Variants in GIT2 observed in about 807,000 individuals in gnomAD.
GIT2 encodes the protein GIT ArfGAP 2.
A neutral mutation model predicts 100.3 loss-of-function variants in GIT2; 32 were observed. The ratio of observed to expected loss-of-function variants is 0.32; its 90% CI spans 0.24 to 0.43. The LOEUF (loss-of-function observed/expected upper bound fraction) is 0.43, where lower values mean the gene tolerates loss of function less well. Among genes scored for constraint, GIT2 ranks in the 20% least tolerant of loss-of-function variants. The pLI, the probability that GIT2 is intolerant of heterozygous loss-of-function variation, is 1.00. For synonymous variants in GIT2, 353 were observed against 364.1 expected (o/e 0.97, Z 0.35); for missense variants, 737 against 975.1 (o/e 0.76, Z 3.25).
At chr12:109,996,104 G>C in intron 1 of GIT2, 69 bp downstream of exon 1, 6 of 1,017,678 alleles carry the variant, frequency 5.9e-6, no homozygotes, top group Non-Finnish European at 8.4e-6. Flanking sequence ...CTGACCTGAG[G>C]GGGCGGCCCC....
At chr12:109,970,714 C>T (rs917264187) in intron 7 of GIT2, among the ~76,000 whole-genome samples, 2 of 152,172 alleles carry the variant, frequency 1.3e-5, no homozygotes, top group Non-Finnish European at 2.9e-5. Context: ...GGGTGCTGTA[C>T]TTCCTTCCAC....
rs556462807 is a variant in GIT2 at position 109,948,123 on chromosome 12, TA to T, written c.1393-620del. 0.023 allele frequency: 16,375 copies of T among 717,814 alleles called. No individual in the cohort carries two copies. The highest frequency in any genetic ancestry group is 0.025 in the Non-Finnish European group (14,817 of 590,332). 44.5% of individuals were successfully genotyped at this position (717,814 alleles called of 1,614,324 possible). ...ATATTCCAAACAATTCAGCACTTTG[TA>T]AAAAAAAAAAGAAAAAAGAGAAAAC... On this transcript the variant is annotated intron_variant, in intron 14 of 19. Transcript: ENST00000355312. This position sits in a 1 kb window ranked among gnomAD's most constrained non-coding sequence, Gnocchi z 4.3.
At chr12:109,976,117 C>CACACACACAT (rs1459132651) in intron 7 of GIT2, among the ~76,000 whole-genome samples, 1 of 150,334 alleles carries the variant, frequency 6.7e-6, no homozygotes, top group African/African-American at 2.5e-5. Context: ...CACACACACA[C>CACACACACAT]ACACAAACAC....
At chr12:109,935,855 C>A (rs11068958) in intron 18 of GIT2, among the ~76,000 whole-genome samples, 1 of 152,150 alleles carries the variant, frequency 6.6e-6, no homozygotes, top group African/African-American at 2.4e-5. Context: ...GATAGAAAAG[C>A]GAGCACACCC....
intron 7 of GIT2, among the ~76,000 whole-genome samples, chr12:109,978,319 A>C (rs1035826868): frequency 2.0e-5 from 3 of 151,910 alleles, no homozygotes; most frequent in Admixed American, 2.0e-4. Context: ...CCAACCTCAA[A>C]TGATCTGCCC....
At position 109,967,041 on chromosome 12, in the gene GIT2, C is replaced by A. The variant is rs73419571; in HGVS notation, c.764+417G>T. ...ATAGAGTGTCCACAGATGCTTTCATCTACAACAGTAGAGTTAAGCTGTTGC... is the reference window on the plus strand; with the variant it reads ...ATAGAGTGTCCACAGATGCTTTCATATACAACAGTAGAGTTAAGCTGTTGC... On this transcript the variant is annotated intron_variant, in intron 8 of 19. Coordinates refer to ENST00000355312, the MANE Select transcript of GIT2 (RefSeq NM_057169.5). Among the ~76,000 whole-genome samples the A allele has an allele frequency of 4.5e-3, 690 of 152,316 alleles. 4 individuals carry two copies. Among genetic ancestry groups the A allele is most frequent in the African/African-American group, 0.016 (659 of 41,568 alleles).
At chr12:109,938,084 CCT>C (rs1347510185) in intron 18 of GIT2, among the ~76,000 whole-genome samples, 7 of 152,048 alleles carry the variant, frequency 4.6e-5, no homozygotes, top group Non-Finnish European at 7.4e-5. Flanking sequence ...TAAGGTAGCC[CCT>C]GTCCCCCTCC....
chr12:109,966,702 C>T (rs1259772056), intron 8 of GIT2, among the ~76,000 whole-genome samples: 1 of 151,712 alleles, frequency 6.6e-6, no homozygotes, highest in Non-Finnish European at 1.5e-5. Flanking sequence ...TGTAAAAGAT[C>T]AGGATGGCAA....
rs1876918892 is a variant in GIT2 at position 109,948,422 on chromosome 12, C to G, written c.1393-918G>C. On this transcript the variant is annotated intron_variant, in intron 14 of 19. Transcript: ENST00000355312. This position sits in a 1 kb window ranked among gnomAD's most constrained non-coding sequence, Gnocchi z 4.3. ...GACTGTCACTTGGAGGCCCTGAATG[C>G]TCCTTCCATTCCTCACATGCAGGCT... 3.0e-6 allele frequency: 3 copies of G among 1,010,050 alleles called. No individual in the cohort carries two copies. Among genetic ancestry groups the G allele is most frequent in the Non-Finnish European group, 3.5e-6 (3 of 846,472 alleles). 62.6% of individuals were successfully genotyped at this position (1,010,050 alleles called of 1,614,324 possible). A position where few individuals can be genotyped will look rare whatever the true frequency, so the allele number is the denominator to read the frequency against.
intron 18 of GIT2, among the ~76,000 whole-genome samples, 161 bp downstream of exon 18, chr12:109,938,219 A>G (rs1389220600): frequency 1.3e-5 from 2 of 152,222 alleles, no homozygotes; most frequent in African/African-American, 4.8e-5. Context: ...AAGACAAAGC[A>G]AACCAAAACT....
At chr12:109,985,661 C>G (rs1039688709) in intron 4 of GIT2, among the ~76,000 whole-genome samples, 5 of 151,944 alleles carry the variant, frequency 3.3e-5, no homozygotes, top group African/African-American at 1.2e-4. Flanking sequence ...ACCAGCCTGG[C>G]CAACATGGTG....
rs527384299 is a variant in GIT2, at chr12:109,960,251, T to C, written c.988-293A>G. Among the ~76,000 whole-genome samples, 4 of 152,360 alleles carry C rather than the reference T, an allele frequency of 2.6e-5. No individual in the cohort carries two copies. The South Asian group carries it at 8.3e-4, about 32-fold the overall frequency. The stretch of plus-strand genomic sequence containing the variant: ...GTAAGCAAAAATAAAATGGGTCTAC[T>C]GAATGCTTTTCTTCTATTAATGCTT... On this transcript the variant is annotated intron_variant, in intron 11 of 19. Transcript: ENST00000355312.
rs549933028 is a variant in GIT2 at position 109,934,942 on chromosome 12, G to A, written c.2004-857C>T. Among the ~76,000 whole-genome samples the A allele has an allele frequency of 4.6e-4, 70 of 152,138 alleles. No individual in the cohort carries two copies. Among genetic ancestry groups the A allele is most frequent in the African/African-American group, 1.6e-3 (67 of 41,432 alleles). On this transcript the variant is annotated intron_variant, in intron 18 of 19. Coordinates refer to ENST00000355312, the MANE Select transcript of GIT2 (RefSeq NM_057169.5). The surrounding 1 kb of genome is among the most constrained non-coding windows in gnomAD (Gnocchi z 4.5). ...AATACAAAAAAATTAGCTGGGCATT[G>A]TGGCGCATGCCTGTAATCCCAGCTA... is the stretch of plus-strand genomic sequence containing the variant.
intron 1 of GIT2, among the ~76,000 whole-genome samples, chr12:109,995,944 G>A (rs1376450440): frequency 6.6e-6 from 1 of 152,200 alleles, no homozygotes; most frequent in Non-Finnish European, 1.5e-5. Context: ...AGGACGGAGG[G>A]AACGGGAGGG....
At chr12:109,943,567 C>A (rs898553659) in intron 16 of GIT2, among the ~76,000 whole-genome samples, 6 of 151,980 alleles carry the variant, frequency 3.9e-5, no homozygotes, top group Non-Finnish European at 7.4e-5. Flanking sequence ...TTCCTGGGCT[C>A]AAGTGATCCA....
At chr12:109,995,736 C>CTCAG (rs1889240175) in intron 1 of GIT2, among the ~76,000 whole-genome samples, 1 of 152,178 alleles carries the variant, frequency 6.6e-6, no homozygotes, top group African/African-American at 2.4e-5. Context: ...TCTGGCGAGT[C>CTCAG]TCAGGGAGTG....
chr12:109,952,896 C>T, intron 13 of GIT2, 196 bp downstream of exon 13: 1 of 602,842 alleles, frequency 1.7e-6, no homozygotes, highest in Non-Finnish European at 2.9e-6. Context: ...TCACTCCTCA[C>T]AAGTTTTATA....
At chr12:109,989,999 T>C (rs190673306) in intron 2 of GIT2, among the ~76,000 whole-genome samples, 197 bp from the exon 3 acceptor site, 67 of 152,278 alleles carry the variant, frequency 4.4e-4, no homozygotes, top group South Asian at 2.5e-3. Context: ...ACTAGTAGGA[T>C]AGTTAAATAC....
chr12:109,950,183 G>A (rs1265266599), intron 14 of GIT2, among the ~76,000 whole-genome samples: 1 of 152,228 alleles, frequency 6.6e-6, no homozygotes, highest in Non-Finnish European at 1.5e-5. Context: ...AGTAAACAGA[G>A]GGGCATGGGC....
Sources: allele counts gnomAD v4.1 joint callset (sites outside exome capture counted in the v4.1 genomes callset), GRCh38; gene constraint gnomAD v4.1.1; non-coding constraint Gnocchi (gnomAD v3.1); transcripts MANE v1.5; gene names NCBI Gene and HGNC (gene_info 2026-07-23, HGNC 2026-07-21).